The following ABTB3 variants were observed in gnomAD, a reference collection of about 807,000 sequenced individuals.
ABTB3 encodes the protein ankyrin repeat- and BTB/POZ domain-containing protein 3.
At chr12:107,520,528 C>T in the ABTB3 span, 13 of 1,614,194 alleles carry the variant, frequency 8.1e-6, no homozygotes, top group Non-Finnish European at 9.3e-6. Flanking sequence ...TCACAGAGAC[C>T]CACAGCGGTC....
At chr12:107,550,492 G>A in the ABTB3 span, among the ~76,000 whole-genome samples, 15,476 of 127,414 alleles carry the variant, frequency 0.12, 1,137 homozygotes, top group East Asian at 0.3. Context: ...GTTCTGGGAA[G>A]CTAAAAAAAA....
the ABTB3 span, chr12:107,635,274 C>G: frequency 1.2e-6 from 2 of 1,612,102 alleles, no homozygotes; most frequent in East Asian, 4.5e-5. Context: ...CCTCCTCTTT[C>G]TTTTCTGCAG....
the ABTB3 span, among the ~76,000 whole-genome samples, chr12:107,469,866 T>TTCCTTTC: frequency 1.3e-5 from 1 of 75,502 alleles, no homozygotes; most frequent in East Asian, 4.0e-4. Context: ...TCTTTCTTTC[T>TTCCTTTC]TTTCTTTCTT....
chr12:107,368,395 G>T, the ABTB3 span, among the ~76,000 whole-genome samples: 45 of 152,358 alleles, frequency 3.0e-4, no homozygotes, highest in South Asian at 2.1e-3. Context: ...AGCCTACTAT[G>T]AATCTAAGAG....
the ABTB3 span, among the ~76,000 whole-genome samples, chr12:107,510,686 C>T: frequency 3.3e-5 from 5 of 152,082 alleles, no homozygotes; most frequent in South Asian, 2.1e-4. Context: ...TTTGGGAAGC[C>T]GATGAGGGCG....
the ABTB3 span, among the ~76,000 whole-genome samples, chr12:107,469,930 C>T: frequency 5.9e-4 from 59 of 99,718 alleles, 1 homozygote; most frequent in Middle Eastern, 4.9e-3. Context: ...TTCTCTCTCT[C>T]TCTCTTTCTT....
At chr12:107,497,886 T>C in the ABTB3 span, among the ~76,000 whole-genome samples, 10 of 152,132 alleles carry the variant, frequency 6.6e-5, no homozygotes, top group African/African-American at 2.4e-4. Context: ...TTTTCCCTCC[T>C]CCACATGTCA....
At chr12:107,474,470 G>A in the ABTB3 span, among the ~76,000 whole-genome samples, 1 of 152,226 alleles carries the variant, frequency 6.6e-6, no homozygotes, top group Non-Finnish European at 1.5e-5. Context: ...GCCATGGGAA[G>A]CAGGGATGCT....
At chr12:107,529,081 T>C in the ABTB3 span, among the ~76,000 whole-genome samples, 1 of 144,550 alleles carries the variant, frequency 6.9e-6, no homozygotes, top group Non-Finnish European at 1.5e-5. Context: ...GTAATGGAGG[T>C]GGTGGTGATG....
At chr12:107,504,973 C>G in the ABTB3 span, among the ~76,000 whole-genome samples, 1 of 152,168 alleles carries the variant, frequency 6.6e-6, no homozygotes, top group Non-Finnish European at 1.5e-5. Context: ...ATGAACTCTA[C>G]CCAGGACTCA....
the ABTB3 span, among the ~76,000 whole-genome samples, chr12:107,398,385 A>G: frequency 6.6e-6 from 1 of 152,252 alleles, no homozygotes; most frequent in Non-Finnish European, 1.5e-5. Context: ...CAGACACACA[A>G]CAGTGCAAGT....
the ABTB3 span, among the ~76,000 whole-genome samples, chr12:107,502,670 G>A: frequency 6.6e-6 from 1 of 152,136 alleles, no homozygotes; most frequent in African/African-American, 2.4e-5. Flanking sequence ...TGAGCAGCGG[G>A]CGAGCGAGCA....
At chr12:107,632,643 C>A in the ABTB3 span, among the ~76,000 whole-genome samples, 1 of 152,174 alleles carries the variant, frequency 6.6e-6, no homozygotes, top group Admixed American at 6.5e-5. Context: ...TATCTCATGG[C>A]TTCTCTGGGT....
At chr12:107,609,277 A>C in the ABTB3 span, among the ~76,000 whole-genome samples, 1 of 152,380 alleles carries the variant, frequency 6.6e-6, no homozygotes. Flanking sequence ...TAGCACAAAC[A>C]GGTATTCAAT....
At chr12:107,356,784 G>C in the ABTB3 span, among the ~76,000 whole-genome samples, 2 of 152,234 alleles carry the variant, frequency 1.3e-5, no homozygotes, top group African/African-American at 4.8e-5. Flanking sequence ...AGTCCACAGA[G>C]CTGTGGTTAG....
At chr12:107,568,937 G>A in the ABTB3 span, among the ~76,000 whole-genome samples, 11 of 152,160 alleles carry the variant, frequency 7.2e-5, no homozygotes, top group African/African-American at 2.4e-4. Flanking sequence ...CAACACAGGA[G>A]GCCCAGGGAA....
At chr12:107,417,879 A>G in the ABTB3 span, among the ~76,000 whole-genome samples, 1 of 152,360 alleles carries the variant, frequency 6.6e-6, no homozygotes, top group East Asian at 1.9e-4. Flanking sequence ...TGCAAAGCCC[A>G]GTTTTCCTAC....
chr12:107,363,481 G>A, the ABTB3 span, among the ~76,000 whole-genome samples: 67 of 152,314 alleles, frequency 4.4e-4, no homozygotes, highest in African/African-American at 1.5e-3. Flanking sequence ...TAATTTGGGA[G>A]GGGAGGATGA....
chr12:107,506,197 A>G, the ABTB3 span, among the ~76,000 whole-genome samples: 1 of 152,352 alleles, frequency 6.6e-6, no homozygotes, highest in African/African-American at 2.4e-5. Flanking sequence ...TAAAAATGTA[A>G]CTAAAATTAC....
Sources: gnomAD v4.1 joint callset for allele counts (sites outside exome capture counted in the v4.1 genomes callset) on GRCh38, gnomAD v4.1.1 for gene constraint, MANE v1.5 for transcripts, NCBI Gene and HGNC (gene_info 2026-07-23, HGNC 2026-07-21) for gene names.